The following MYO18B variants were observed in gnomAD, a reference collection of about 807,000 sequenced individuals.
MYO18B encodes the protein myosin XVIIIB, also known as unconventional myosin-XVIIIb.
MYO18B carries 204 observed loss-of-function variants against 273.0 expected under a neutral mutation model. The observed-to-expected ratio is 0.75, with a 90% CI of 0.67 to 0.84. The LOEUF (loss-of-function observed/expected upper bound fraction) is 0.84. Ranked by LOEUF, MYO18B falls within the 40% of genes least tolerant of loss-of-function variation. The pLI, the probability that MYO18B is intolerant of heterozygous loss-of-function variation, is 0.00. For missense variants in MYO18B, 3,212 were observed against 3,287.6 expected, an observed-to-expected ratio of 0.98 and a Z score of 0.56; for synonymous variants, 1,330 against 1,305.7, an observed-to-expected ratio of 1.02 and a Z score of -0.40.
the MYO18B span, among the ~76,000 whole-genome samples, chr22:26,043,511 C>CTTTTTTTT: frequency 8.1e-6 from 1 of 123,002 alleles, no homozygotes; most frequent in Non-Finnish European, 1.7e-5. Flanking sequence ...TTTTTTCTTT[C>CTTTTTTTT]TTTTTTTTTT....
At chr22:26,001,116 G>T (rs1177305021) in intron 40 of MYO18B, among the ~76,000 whole-genome samples, 1 of 152,010 alleles carries the variant, frequency 6.6e-6, no homozygotes, top group African/African-American at 2.4e-5. Flanking sequence ...CTGTGATTAA[G>T]GGTGTAACAG....
intron 40 of MYO18B, among the ~76,000 whole-genome samples, chr22:26,002,733 TG>T (rs1934074316): frequency 6.6e-6 from 1 of 152,116 alleles, no homozygotes; most frequent in South Asian, 2.1e-4. Flanking sequence ...ATCTCTAAAA[TG>T]GAGACACATG....
chr22:25,832,864 T>C, intron 15 of MYO18B, 53 bp from the exon 16 acceptor site: 2 of 1,480,488 alleles, frequency 1.4e-6, no homozygotes, highest in Non-Finnish European at 1.9e-6. Context: ...AGAAGTTTTC[T>C]TCCCCCTTCA....
chr22:25,770,985 G>GTGAGTCCCCTGTCCCGCCGTCCCCCAGCA lies in MYO18B; in HGVS notation c.1692+17_1692+45dup. On this transcript the variant is annotated splice_donor_variant, in intron 6 of 43. Coordinates refer to ENST00000335473, the MANE Select transcript of MYO18B (RefSeq NM_032608.7). LOFTEE classifies it high-confidence loss of function. ...GGTGGATGAGGAGCATGTCCATCGGGTGAGTCCCCTGTCCCGCCGTCCCCC... is the reference window on the plus strand; with the variant it reads ...GGTGGATGAGGAGCATGTCCATCGGGTGAGTCCCCTGTCCCGCCGTCCCCCAGCATGAGTCCCCTGTCCCGCCGTCCCCC... 6.5e-7 allele frequency: 1 copy of GTGAGTCCCCTGTCCCGCCGTCCCCCAGCA among 1,549,962 alleles called. No individual in the cohort carries two copies. Among genetic ancestry groups the GTGAGTCCCCTGTCCCGCCGTCCCCCAGCA allele is most frequent in the South Asian group, 1.2e-5 (1 of 84,012 alleles).
At chr22:25,955,136 G>A (rs781337549) in intron 38 of MYO18B, 43 bp from the exon 39 acceptor site, 4 of 1,519,926 alleles carry the variant, frequency 2.6e-6, no homozygotes, top group Admixed American at 4.3e-5. Context: ...TCATACCCCT[G>A]GCCTCCAACT....
At chr22:25,743,049 T>G (rs1348879358) in intron 1 of MYO18B, among the ~76,000 whole-genome samples, 4 of 152,266 alleles carry the variant, frequency 2.6e-5, no homozygotes, top group Admixed American at 6.5e-5. Context: ...GCTGCCTTCC[T>G]GCAGCTTTTC....
intron 25 of MYO18B, among the ~76,000 whole-genome samples, chr22:25,884,315 C>T (rs185011710): frequency 1.5e-4 from 23 of 152,282 alleles, no homozygotes; most frequent in African/African-American, 5.1e-4. Context: ...GAGCCCAGAC[C>T]ACATCCCAGG....
At chr22:25,983,092 C>T (rs966390324) in intron 39 of MYO18B, among the ~76,000 whole-genome samples, 5 of 152,030 alleles carry the variant, frequency 3.3e-5, no homozygotes, top group Non-Finnish European at 5.9e-5. Flanking sequence ...TTCTGGTGGC[C>T]GAGCACAGTG....
At chr22:25,771,046 A>C in intron 6 of MYO18B, 62 bp downstream of exon 6, 21 of 1,147,448 alleles carry the variant, frequency 1.8e-5, no homozygotes, top group Non-Finnish European at 2.7e-5. Context: ...CCCCAGCTCC[A>C]TACCCTCCTT....
At position 25,891,470 on chromosome 22, in the gene MYO18B, T is replaced by C. The variant is rs1159395605; in HGVS notation, c.4543+58T>C. 3.4e-6 allele frequency: 4 copies of C among 1,193,698 alleles called. No homozygotes were observed. The East Asian group carries it at 1.0e-4, about 30-fold the overall frequency. 73.9% of individuals were successfully genotyped at this position (1,193,698 alleles called of 1,614,324 possible). On this transcript the variant is annotated intron_variant, in intron 27 of 43. Coordinates refer to ENST00000335473, the MANE Select transcript of MYO18B (RefSeq NM_032608.7). ...TGATGGACAAAGTTGTCTTTCCCAT[T>C]TATTCAGTCACTCATAGAGCACTTT...
chr22:26,031,919 A>G (rs1166355644), downstream of MYO18B, among the ~76,000 whole-genome samples: 2 of 152,174 alleles, frequency 1.3e-5, no homozygotes, highest in Non-Finnish European at 2.9e-5. Flanking sequence ...GCTCTGGGTC[A>G]CTGGAGAGTG....
At chr22:25,971,635 C>T (rs1273452842) in intron 39 of MYO18B, among the ~76,000 whole-genome samples, 1 of 152,184 alleles carries the variant, frequency 6.6e-6, no homozygotes, top group East Asian at 1.9e-4. Flanking sequence ...CCAGTGCCTT[C>T]CCACACCAAG....
At chr22:25,968,250 G>C (rs1433329606) in intron 39 of MYO18B, among the ~76,000 whole-genome samples, 2 of 152,198 alleles carry the variant, frequency 1.3e-5, no homozygotes, top group Non-Finnish European at 2.9e-5. Flanking sequence ...AAGGGTAGAG[G>C]CTGGATTGAA....
the MYO18B span, among the ~76,000 whole-genome samples, chr22:26,052,707 A>G: frequency 6.6e-6 from 1 of 152,164 alleles, no homozygotes; most frequent in African/African-American, 2.4e-5. Flanking sequence ...TTAGGAAGGG[A>G]ATCACTTTGA....
intron 1 of MYO18B, among the ~76,000 whole-genome samples, chr22:25,748,216 A>T (rs2085839042): frequency 6.6e-6 from 1 of 152,168 alleles, no homozygotes; most frequent in Non-Finnish European, 1.5e-5. Context: ...CAGAGAGTGG[A>T]ACTGAGGCCA....
chr22:25,796,033 G>C (rs2087892736), intron 11 of MYO18B, among the ~76,000 whole-genome samples: 1 of 152,162 alleles, frequency 6.6e-6, no homozygotes, highest in Non-Finnish European at 1.5e-5. Context: ...CATCACCCAA[G>C]TTCTCTAAGC....
chr22:25,963,109 T>TTC (rs1336849801), intron 39 of MYO18B, among the ~76,000 whole-genome samples: 3 of 147,102 alleles, frequency 2.0e-5, no homozygotes, highest in African/African-American at 5.1e-5. Flanking sequence ...GGCATGCTGT[T>TTC]TCTCTCTCTC....
rs767778280 is a variant in MYO18B at position 25,823,632 on chromosome 22, G to C, written c.2649G>C (p.Thr883=). 4 of 1,613,838 alleles carry C rather than the reference G, an allele frequency of 2.5e-6. No homozygotes were observed. In the African/African-American group the frequency reaches 5.3e-5, roughly 22 times the overall value. Reference sequence around the variant, plus strand: ...TTCGACAGATCATCCAGCAAATGACGTTTGGGCCAAGCCGATGGGGCCTCG... The same window carrying C: ...TTCGACAGATCATCCAGCAAATGACCTTTGGGCCAAGCCGATGGGGCCTCG... ...HHLRQIIQQM[T]FGPSRWGLED... The change falls in exon 13 of 44, where the codon ACG becomes ACC. Residue 883 remains threonine, a synonymous_variant. Coordinates refer to ENST00000335473, the MANE Select transcript of MYO18B (RefSeq NM_032608.7).
At chr22:26,014,434 ACT>A (rs1935151193) in intron 42 of MYO18B, among the ~76,000 whole-genome samples, 1 of 152,036 alleles carries the variant, frequency 6.6e-6, no homozygotes. Context: ...TCAGCAAATG[ACT>A]CTCAGGGAAA....
Sources: gnomAD v4.1 joint callset for allele counts (sites outside exome capture counted in the v4.1 genomes callset) on GRCh38, gnomAD v4.1.1 for gene constraint, MANE v1.5 for transcripts, NCBI Gene and HGNC (gene_info 2026-07-23, HGNC 2026-07-21) for gene names.